The following KALRN variants were observed in gnomAD, a reference collection of about 807,000 sequenced individuals.
The protein encoded by KALRN is kalirin RhoGEF kinase.
In KALRN, 70 loss-of-function variants were observed where a neutral mutation model predicts 353.7. The observed-to-expected ratio is 0.20, with a 90% CI of 0.16 to 0.24. The LOEUF is 0.24. KALRN is among the 10% of genes least tolerant of loss of function. The pLI is 1.00. For synonymous variants in KALRN, 1,391 were observed against 1,434.8 expected, an observed-to-expected ratio of 0.97 and a Z score of 0.69; for missense variants, 2,791 against 3,756.7, an observed-to-expected ratio of 0.74 and a Z score of 6.72.
intron 37 of KALRN, among the ~76,000 whole-genome samples, chr3:124,641,665 C>T (rs1305528732): frequency 1.3e-5 from 2 of 152,162 alleles, no homozygotes; most frequent in African/African-American, 4.8e-5. Context: ...GCTTTGTAAA[C>T]TGATAATCAA....
chr3:124,337,336 T>C (rs2081237748), intron 9 of KALRN, among the ~76,000 whole-genome samples: 1 of 63,096 alleles, frequency 1.6e-5, no homozygotes, highest in Non-Finnish European at 3.2e-5. Flanking sequence ...CCTAGTTTAT[T>C]GAGAGTTTTA....
At chr3:124,148,194 A>T (rs548262320) in intron 1 of KALRN, among the ~76,000 whole-genome samples, 6 of 152,246 alleles carry the variant, frequency 3.9e-5, no homozygotes, top group South Asian at 4.2e-4. Context: ...GTTCAGTGGG[A>T]TGATTAATGC....
intron 56 of KALRN, among the ~76,000 whole-genome samples, chr3:124,700,552 A>G (rs1421785987): frequency 2.6e-5 from 4 of 152,260 alleles, no homozygotes; most frequent in African/African-American, 9.6e-5. Flanking sequence ...AAAAGTAACT[A>G]AGATACACAT....
At chr3:124,358,653 C>A (rs948866380) in intron 10 of KALRN, among the ~76,000 whole-genome samples, 1 of 152,146 alleles carries the variant, frequency 6.6e-6, no homozygotes, top group African/African-American at 2.4e-5. Flanking sequence ...ATAATAACAC[C>A]TACTGAGTAC....
intron 10 of KALRN, among the ~76,000 whole-genome samples, chr3:124,373,354 G>T (rs1266399968): frequency 6.6e-6 from 1 of 152,160 alleles, no homozygotes; most frequent in East Asian, 1.9e-4. Flanking sequence ...CTGGGGAAGA[G>T]GTTGCTATTG....
rs754108144 is a variant in KALRN at position 124,446,293 on chromosome 3, C to T, written c.3429+17C>T. 3 of 1,576,274 alleles carry T rather than the reference C, an allele frequency of 1.9e-6. No individual in the cohort carries two copies. The highest frequency in any genetic ancestry group is 2.2e-5 in the South Asian group (2 of 89,128). ...GCTAAGCAGGTTGTCCAAAGCTTTC[C>T]CTGGCACTATCTCAGTTCTGGGGAG... On this transcript the variant is annotated intron_variant, in intron 20 of 59. Coordinates refer to ENST00000682506, the MANE Select transcript of KALRN (RefSeq NM_001388419.1).
chr3:124,633,309 T>C (rs373297520), intron 35 of KALRN, among the ~76,000 whole-genome samples: 4 of 152,342 alleles, frequency 2.6e-5, no homozygotes, highest in East Asian at 3.9e-4. Context: ...TTAGGCTGGA[T>C]GAAGCTGAGA....
chr3:124,546,077 C>T (rs1461099976), intron 33 of KALRN, among the ~76,000 whole-genome samples: 1 of 152,134 alleles, frequency 6.6e-6, no homozygotes. Context: ...AGCCACTAAT[C>T]CCATTTTTAA....
At position 124,482,021 on chromosome 3, in the gene KALRN, A is replaced by G. The variant is rs183846415; in HGVS notation, c.4192-787A>G. 1.9e-4 allele frequency among the ~76,000 whole-genome samples: 29 copies of G among 152,306 alleles called. No homozygotes were observed. In the East Asian group the frequency reaches 5.6e-3, roughly 29 times the overall value. On this transcript the variant is annotated intron_variant, in intron 27 of 59. Transcript: ENST00000682506. Reference sequence around the variant, plus strand: ...ACCCCTAGACTTTGGGGAGTAGAAGATCATTTTGGAGGTAGGATAGAGAGT... The same window carrying G: ...ACCCCTAGACTTTGGGGAGTAGAAGGTCATTTTGGAGGTAGGATAGAGAGT...
chr3:124,435,922 A>G (rs2093443944), intron 17 of KALRN, among the ~76,000 whole-genome samples: 3 of 152,252 alleles, frequency 2.0e-5, no homozygotes, highest in Admixed American at 2.0e-4. Context: ...ACGATTTTGA[A>G]AAGGAAGAAC....
intron 6 of KALRN, among the ~76,000 whole-genome samples, chr3:124,319,573 T>C (rs907562378): frequency 1.4e-5 from 2 of 148,042 alleles, no homozygotes; most frequent in Non-Finnish European, 3.0e-5. Context: ...TTATTTATAT[T>C]ATATATAAAT....
chr3:124,113,570 G>T (rs1461630259), intron 1 of KALRN, among the ~76,000 whole-genome samples: 1 of 152,172 alleles, frequency 6.6e-6, no homozygotes, highest in Non-Finnish European at 1.5e-5. Context: ...TTCAGCTTCA[G>T]GCTGTACCTG....
intron 32 of KALRN, among the ~76,000 whole-genome samples, chr3:124,495,570 C>T (rs2108517316): frequency 6.6e-6 from 1 of 151,462 alleles, no homozygotes; most frequent in Non-Finnish European, 1.5e-5. Context: ...AACCACGTCT[C>T]CACAAAAAAA....
At position 124,301,813 on chromosome 3, in the gene KALRN, C is replaced by T. The variant is rs148795005; in HGVS notation, c.1092+2900C>T. ...GGATTGTTGTGTAGATTCACTGCAG[C>T]GTTTCCGTTCTTGGAAATTATACAC... is the stretch of plus-strand genomic sequence containing the variant. On this transcript the variant is annotated intron_variant, in intron 6 of 59. Coordinates refer to ENST00000682506, the MANE Select transcript of KALRN (RefSeq NM_001388419.1). Among the ~76,000 whole-genome samples, 676 of 152,284 alleles carry T rather than the reference C, an allele frequency of 4.4e-3. 4 individuals are homozygous for T. Among genetic ancestry groups the T allele is most frequent in the African/African-American group, 0.015 (643 of 41,546 alleles).
At chr3:124,187,232 C>G (rs2074346126) in intron 1 of KALRN, among the ~76,000 whole-genome samples, 1 of 152,130 alleles carries the variant, frequency 6.6e-6, no homozygotes, top group South Asian at 2.1e-4. Flanking sequence ...AGGTGCCCAC[C>G]ACCACGCCCA....
chr3:124,619,029 C>T (rs368880295), intron 34 of KALRN, among the ~76,000 whole-genome samples: 1 of 152,060 alleles, frequency 6.6e-6, no homozygotes, highest in Non-Finnish European at 1.5e-5. Flanking sequence ...AAATAGTTAT[C>T]TGCTACTTTG....
intron 10 of KALRN, among the ~76,000 whole-genome samples, chr3:124,360,764 C>G (rs988578121): frequency 2.0e-5 from 3 of 152,190 alleles, no homozygotes; most frequent in Non-Finnish European, 4.4e-5. Context: ...TCTCTTCTCC[C>G]TTTCTTTTGT....
intron 34 of KALRN, among the ~76,000 whole-genome samples, chr3:124,602,995 G>T (rs2076972805): frequency 6.9e-6 from 1 of 144,572 alleles, no homozygotes; most frequent in Non-Finnish European, 1.5e-5. Context: ...AATTACTACA[G>T]TGGAATCTAG....
At position 124,553,143 on chromosome 3, in the gene KALRN, T is replaced by C. The variant is rs559444906; in HGVS notation, c.4936-9700T>C. 5.3e-5 allele frequency among the ~76,000 whole-genome samples: 8 copies of C among 152,344 alleles called. No individual in the cohort carries two copies. The East Asian group carries it at 1.3e-3, about 26-fold the overall frequency. ...ATCTCAAGTGCATGCCAAGTTATGA[T>C]TACTGGATAAACAATATATAACATC... On this transcript the variant is annotated intron_variant, in intron 33 of 59. Coordinates refer to ENST00000682506, the MANE Select transcript of KALRN (RefSeq NM_001388419.1).
Sources: allele counts gnomAD v4.1 joint callset (sites outside exome capture counted in the v4.1 genomes callset), GRCh38; gene constraint gnomAD v4.1.1; transcripts MANE v1.5; gene names NCBI Gene and HGNC (gene_info 2026-07-23, HGNC 2026-07-21).